Variants in CNTNAP2 observed in about 807,000 individuals in gnomAD.
CNTNAP2 encodes the protein contactin-associated protein-like 2.
A neutral mutation model predicts 155.2 loss-of-function variants in CNTNAP2; 98 were observed. That is an observed-to-expected ratio of 0.63 (90% confidence interval 0.54 to 0.75). The LOEUF (loss-of-function observed/expected upper bound fraction) is 0.75, where lower values mean the gene tolerates loss of function less well. Among genes scored for constraint, CNTNAP2 ranks in the 30% least tolerant of loss-of-function variants. CNTNAP2 has a pLI of 0.00. For synonymous variants in CNTNAP2, 651 were observed against 631.2 expected (o/e 1.03, Z -0.47); for missense variants, 1,727 against 1,688.1 (o/e 1.02, Z -0.40).
At chr7:148,254,772 T>C (rs1015000326) in intron 20 of CNTNAP2, among the ~76,000 whole-genome samples, 1 of 52,200 alleles carries the variant, frequency 1.9e-5, no homozygotes, top group African/African-American at 5.5e-5. Flanking sequence ...CAAGACTCCA[T>C]CTCAAAAAAA....
At chr7:146,507,498 G>T (rs988765696) in intron 1 of CNTNAP2, among the ~76,000 whole-genome samples, 3 of 152,166 alleles carry the variant, frequency 2.0e-5, no homozygotes, top group Non-Finnish European at 4.4e-5. Context: ...CAATGGTTTT[G>T]TTTTCTGAGC....
At chr7:146,268,682 G>A (rs1247262978) in intron 1 of CNTNAP2, among the ~76,000 whole-genome samples, 1 of 152,142 alleles carries the variant, frequency 6.6e-6, no homozygotes, top group Non-Finnish European at 1.5e-5. Context: ...AGAGGAAAAT[G>A]AAAGAATAAT....
chr7:146,659,007 T>A (rs1800040112), intron 1 of CNTNAP2, among the ~76,000 whole-genome samples: 1 of 152,168 alleles, frequency 6.6e-6, no homozygotes, highest in Non-Finnish European at 1.5e-5. Flanking sequence ...CCGCAGCCAC[T>A]AAGGCTGCAG....
At chr7:147,521,237 T>C (rs879574915) in intron 11 of CNTNAP2, among the ~76,000 whole-genome samples, 10 of 152,206 alleles carry the variant, frequency 6.6e-5, no homozygotes, top group Non-Finnish European at 1.2e-4. Flanking sequence ...TTCGGTGTAG[T>C]TGTTCATGCC....
chr7:148,051,485 AAAGCC>A (rs1802888114), intron 15 of CNTNAP2, among the ~76,000 whole-genome samples: 2 of 152,142 alleles, frequency 1.3e-5, no homozygotes, highest in Non-Finnish European at 2.9e-5. Context: ...AGATAAATAC[AAAGCC>A]ATCGTAATTA....
At chr7:148,310,067 G>A (rs931088157) in intron 21 of CNTNAP2, among the ~76,000 whole-genome samples, 12 of 152,198 alleles carry the variant, frequency 7.9e-5, no homozygotes, top group Admixed American at 2.6e-4. Context: ...AGAATTATTG[G>A]TGATGGCCTG....
At chr7:146,862,645 A>G (rs148221670) in intron 3 of CNTNAP2, among the ~76,000 whole-genome samples, 133 of 151,820 alleles carry the variant, frequency 8.8e-4, no homozygotes, top group African/African-American at 3.1e-3. Context: ...ATCACAGACA[A>G]CTCTCAAAGG....
intron 1 of CNTNAP2, among the ~76,000 whole-genome samples, chr7:146,337,620 G>T (rs1228631417): frequency 2.1e-5 from 3 of 141,380 alleles, no homozygotes; most frequent in African/African-American, 9.5e-5. Flanking sequence ...CACATACCTG[G>T]CTTTTTTGTT....
chr7:147,181,970 C>G (rs979789861), intron 8 of CNTNAP2, among the ~76,000 whole-genome samples: 1 of 151,700 alleles, frequency 6.6e-6, no homozygotes, highest in African/African-American at 2.4e-5. Flanking sequence ...ACTAAAAATA[C>G]AAAAATTAGC....
chr7:146,519,082 C>T (rs77471448), intron 1 of CNTNAP2, among the ~76,000 whole-genome samples: 9,511 of 151,892 alleles, frequency 0.063, 710 homozygotes, highest in African/African-American at 0.18. Context: ...TCTAAACGAG[C>T]GTGTGTTCCT....
chr7:147,385,732 C>G (rs2116939487), intron 9 of CNTNAP2, among the ~76,000 whole-genome samples: 1 of 152,320 alleles, frequency 6.6e-6, no homozygotes, highest in East Asian at 1.9e-4. Flanking sequence ...TGTGGCCTTT[C>G]CAGGCACACA....
intron 1 of CNTNAP2, among the ~76,000 whole-genome samples, chr7:146,153,570 G>A (rs1798082085): frequency 6.6e-6 from 1 of 152,116 alleles, no homozygotes; most frequent in Non-Finnish European, 1.5e-5. Flanking sequence ...GAGACTATCA[G>A]TACAAGGAAG....
At position 146,521,975 on chromosome 7, in the gene CNTNAP2, T is replaced by TTAGTAATAGTGTAATAG. The variant is rs370211087; in HGVS notation, c.98-252288_98-252287insGTGTAATAGTAGTAATA. Among the ~76,000 whole-genome samples, 806 of 152,206 alleles carry TTAGTAATAGTGTAATAG rather than the reference T, an allele frequency of 5.3e-3. 6 individuals are homozygous for TTAGTAATAGTGTAATAG. The highest frequency in any genetic ancestry group is 0.019 in the African/African-American group (774 of 41,572). The stretch of plus-strand genomic sequence containing the variant: ...ACACAAATGATGACTTTCACTGTTT[T>TTAGTAATAGTGTAATAG]TAGTAATAAGAGTAAATCAATGCAA... On this transcript the variant is annotated intron_variant, in intron 1 of 23. Coordinates refer to ENST00000361727, the MANE Select transcript of CNTNAP2 (RefSeq NM_014141.6).
At chr7:146,788,333 G>A (rs1802613191) in intron 2 of CNTNAP2, among the ~76,000 whole-genome samples, 1 of 152,274 alleles carries the variant, frequency 6.6e-6, no homozygotes, top group East Asian at 1.9e-4. Flanking sequence ...CCAAGAGCCA[G>A]GAAGGGCTGC....
chr7:148,306,766 GGTGT>G (rs150027065), intron 21 of CNTNAP2, among the ~76,000 whole-genome samples: 8 of 149,712 alleles, frequency 5.3e-5, no homozygotes, highest in Non-Finnish European at 8.9e-5. Flanking sequence ...TTGGTTGGTT[GGTGT>G]GTGTGTGTGT....
intron 14 of CNTNAP2, among the ~76,000 whole-genome samples, chr7:147,976,576 G>A (rs1268061927): frequency 6.6e-6 from 1 of 152,038 alleles, no homozygotes; most frequent in Non-Finnish European, 1.5e-5. Flanking sequence ...AATAACTAAG[G>A]CAGTATATAA....
At chr7:146,573,793 T>C (rs1798479234) in intron 1 of CNTNAP2, among the ~76,000 whole-genome samples, 1 of 152,224 alleles carries the variant, frequency 6.6e-6, no homozygotes, top group Non-Finnish European at 1.5e-5. Flanking sequence ...AGCTATGTGT[T>C]CTTGGTCAGT....
intron 1 of CNTNAP2, among the ~76,000 whole-genome samples, chr7:146,402,410 C>T (rs1007274281): frequency 2.6e-5 from 4 of 152,058 alleles, no homozygotes; most frequent in African/African-American, 9.7e-5. Context: ...GGACCAGAAA[C>T]ACAGTAGGTT....
At chr7:148,291,959 G>C (rs1477542758) in intron 21 of CNTNAP2, among the ~76,000 whole-genome samples, 2 of 152,106 alleles carry the variant, frequency 1.3e-5, no homozygotes, top group East Asian at 1.9e-4. Flanking sequence ...ATTTCATTCT[G>C]TTGGTTTCCA....
Sources: allele counts gnomAD v4.1 joint callset (sites outside exome capture counted in the v4.1 genomes callset), GRCh38; gene constraint gnomAD v4.1.1; transcripts MANE v1.5; gene names NCBI Gene and HGNC (gene_info 2026-07-23, HGNC 2026-07-21).